KCTD16: variants seen among roughly 807,000 people sequenced by gnomAD.
KCTD16 encodes the protein potassium channel tetramerization domain containing 16.
KCTD16 carries 13 observed loss-of-function variants against 33.2 expected under a neutral mutation model. That is an observed-to-expected ratio of 0.39 (90% CI 0.25 to 0.62). The LOEUF is 0.62. Ranked by LOEUF, KCTD16 falls within the 20% of genes least tolerant of loss-of-function variation. KCTD16 has a pLI of 0.50. For missense variants in KCTD16, 441 were observed against 525.1 expected (o/e 0.84, Z 1.57); for synonymous variants, 197 against 195.3 (o/e 1.01, Z -0.07).
At chr5:144,440,017 G>T (rs1370667344) in intron 3 of KCTD16, among the ~76,000 whole-genome samples, 1 of 151,224 alleles carries the variant, frequency 6.6e-6, no homozygotes, top group Non-Finnish European at 1.5e-5. Context: ...AGAGCAAAAT[G>T]CATTACTTAA....
intron 3 of KCTD16, among the ~76,000 whole-genome samples, chr5:144,291,968 A>T (rs1258902760): frequency 2.6e-5 from 4 of 152,358 alleles, no homozygotes; most frequent in Admixed American, 2.6e-4. Flanking sequence ...GACTGTTGCT[A>T]AATCTTAATT....
rs542704400 is a variant in KCTD16 at position 144,174,452 on chromosome 5, A to C, written c.-347A>C. ...CAGTCAAGTTCCACAATGAAACCTG[A>C]CAATAATGGTAAAAACCAATGTAAG... On this transcript the variant is annotated 5_prime_UTR_variant, in exon 2 of 4. Transcript: ENST00000512467. The C allele has an allele frequency of 1.1e-4, 16 of 152,334 alleles. No homozygotes were observed. The East Asian group carries it at 3.1e-3, about 29-fold the overall frequency. 9.4% of individuals were successfully genotyped at this position (152,334 alleles called of 1,614,324 possible).
intron 2 of KCTD16, among the ~76,000 whole-genome samples, chr5:144,193,022 A>C (rs1257816409): frequency 6.6e-6 from 1 of 152,152 alleles, no homozygotes; most frequent in Non-Finnish European, 1.5e-5. Context: ...GTCCATATAG[A>C]AATACCACCA....
At chr5:144,450,651 T>C (rs1580974746) in intron 3 of KCTD16, among the ~76,000 whole-genome samples, 1 of 152,110 alleles carries the variant, frequency 6.6e-6, no homozygotes, top group Non-Finnish European at 1.5e-5. Flanking sequence ...ATTTGGGTGA[T>C]AGATGAACCC....
At chr5:144,260,917 A>G (rs536764234) in intron 3 of KCTD16, among the ~76,000 whole-genome samples, 25 of 151,960 alleles carry the variant, frequency 1.6e-4, no homozygotes, top group Non-Finnish European at 3.4e-4. Context: ...TTTTTATGTA[A>G]ATGGATATAA....
chr5:144,198,704 C>A (rs1391005939), intron 2 of KCTD16, among the ~76,000 whole-genome samples: 1 of 152,224 alleles, frequency 6.6e-6, no homozygotes, highest in Non-Finnish European at 1.5e-5. Context: ...TTCTTCTATT[C>A]ATCATCCTTT....
chr5:144,263,275 G>A (rs576579136), intron 3 of KCTD16, among the ~76,000 whole-genome samples: 11 of 152,270 alleles, frequency 7.2e-5, no homozygotes, highest in East Asian at 5.8e-4. Flanking sequence ...ATGTTTGTTG[G>A]TGGCAAGGGC....
At chr5:144,258,796 G>A (rs1223926531) in intron 3 of KCTD16, among the ~76,000 whole-genome samples, 1 of 151,738 alleles carries the variant, frequency 6.6e-6, no homozygotes, top group Admixed American at 6.6e-5. Flanking sequence ...TATGAATTCA[G>A]TGCTATTATG....
Position 144,476,438 on chromosome 5 carries a change from T to C in KCTD16, c.*2324T>C, listed in dbSNP as rs888390288. 4 of 152,196 alleles carry C rather than the reference T, an allele frequency of 2.6e-5. No individual in the cohort carries two copies. Among genetic ancestry groups the C allele is most frequent in the African/African-American group, 9.6e-5 (4 of 41,454 alleles). 9.4% of individuals were successfully genotyped at this position (152,196 alleles called of 1,614,324 possible). A position where few individuals can be genotyped will look rare whatever the true frequency, so the allele number is the denominator to read the frequency against. ...AAATTAAACACTGCAAAAGGAGTGT[T>C]CGTGGCAGTGTTCCTCTGACCCCTG... On this transcript the variant is annotated 3_prime_UTR_variant, in exon 4 of 4. Transcript: ENST00000512467.
At chr5:144,211,441 A>G (rs1256277523) in intron 3 of KCTD16, among the ~76,000 whole-genome samples, 2 of 152,174 alleles carry the variant, frequency 1.3e-5, no homozygotes, top group African/African-American at 4.8e-5. Context: ...GAGCACCAGC[A>G]TGATGCCACA....
intron 2 of KCTD16, among the ~76,000 whole-genome samples, chr5:144,191,697 T>C (rs1485210380): frequency 6.6e-6 from 1 of 152,110 alleles, no homozygotes; most frequent in African/African-American, 2.4e-5. Context: ...TTGCCTCCAC[T>C]TATCTCTCTC....
chr5:144,413,502 G>A (rs1333573043), intron 3 of KCTD16, among the ~76,000 whole-genome samples: 1 of 152,102 alleles, frequency 6.6e-6, no homozygotes, highest in Non-Finnish European at 1.5e-5. Flanking sequence ...ATCATTTGTT[G>A]ACTTAGGGAA....
intron 3 of KCTD16, among the ~76,000 whole-genome samples, chr5:144,374,411 G>A (rs1752039830): frequency 6.6e-6 from 1 of 152,142 alleles, no homozygotes; most frequent in African/African-American, 2.4e-5. Context: ...CTAGGGGAAG[G>A]CGACAGTGAG....
intron 3 of KCTD16, among the ~76,000 whole-genome samples, chr5:144,334,772 T>G (rs1218861307): frequency 6.6e-6 from 1 of 152,108 alleles, no homozygotes; most frequent in Non-Finnish European, 1.5e-5. Context: ...CCTTGCCTTT[T>G]TCTTTTTTGT....
chr5:144,418,993 G>A (rs972142531), intron 3 of KCTD16, among the ~76,000 whole-genome samples: 3 of 152,108 alleles, frequency 2.0e-5, no homozygotes, highest in Non-Finnish European at 4.4e-5. Flanking sequence ...ACTGTCTTTA[G>A]TTACACAACT....
rs189579384 is a variant in KCTD16, at chr5:144,370,302, G to T, written c.833-103358G>T. ...AAACTTGCGATCATTTGGATCAAGCGTGAATGCCTTCAAAGTTTTTCCTAG... is the reference window on the plus strand; with the variant it reads ...AAACTTGCGATCATTTGGATCAAGCTTGAATGCCTTCAAAGTTTTTCCTAG... On this transcript the variant is annotated intron_variant, in intron 3 of 3. Coordinates refer to ENST00000512467, the MANE Select transcript of KCTD16 (RefSeq NM_020768.4). Among the ~76,000 whole-genome samples, 9 of 152,294 alleles carry T rather than the reference G, an allele frequency of 5.9e-5. No homozygotes were observed. The East Asian group carries it at 1.7e-3, about 29-fold the overall frequency.
chr5:144,189,807 C>T (rs1752805960), intron 2 of KCTD16, among the ~76,000 whole-genome samples: 1 of 152,112 alleles, frequency 6.6e-6, no homozygotes, highest in South Asian at 2.1e-4. Flanking sequence ...TGCCATATTC[C>T]TTAGCCTTTT....
At chr5:144,325,468 C>T (rs770241257) in intron 3 of KCTD16, among the ~76,000 whole-genome samples, 2 of 152,018 alleles carry the variant, frequency 1.3e-5, no homozygotes, top group Admixed American at 6.6e-5. Flanking sequence ...CCTGATGAAC[C>T]CTCTCCTCCT....
intron 3 of KCTD16, among the ~76,000 whole-genome samples, chr5:144,272,325 G>A (rs1276453898): frequency 6.6e-6 from 1 of 152,102 alleles, no homozygotes; most frequent in African/African-American, 2.4e-5. Flanking sequence ...AGCTACTCAG[G>A]AGGCCGAAGC....
Sources: gnomAD v4.1 joint callset for allele counts (sites outside exome capture counted in the v4.1 genomes callset) on GRCh38, gnomAD v4.1.1 for gene constraint, MANE v1.5 for transcripts, NCBI Gene and HGNC (gene_info 2026-07-23, HGNC 2026-07-21) for gene names.